Variants in NIPSNAP1 observed in about 807,000 individuals in gnomAD.
NIPSNAP1 encodes the protein nipsnap homolog 1.
Under a neutral mutation model 49.2 loss-of-function variants are expected in NIPSNAP1, and 25 were observed. The ratio of observed to expected loss-of-function variants is 0.51; its 90% CI spans 0.37 to 0.71. The LOEUF (loss-of-function observed/expected upper bound fraction) is 0.71, where lower values mean the gene tolerates loss of function less well. Among genes scored for constraint, NIPSNAP1 ranks in the 30% least tolerant of loss-of-function variants. The probability of loss-of-function intolerance (pLI) is 0.00; values close to 1 mark genes in which losing one functional copy is unlikely to be tolerated. For synonymous variants in NIPSNAP1, 143 were observed against 140.7 expected, an observed-to-expected ratio of 1.02 and a Z score of -0.12; for missense variants, 294 against 361.0, an observed-to-expected ratio of 0.81 and a Z score of 1.50.
chr22:29,559,361 C>A (rs898773948), intron 8 of NIPSNAP1, among the ~76,000 whole-genome samples: 1 of 151,944 alleles, frequency 6.6e-6, no homozygotes, highest in Non-Finnish European at 1.5e-5. Flanking sequence ...GCCAACATAG[C>A]GAAACTCTGT....
Position 29,570,536 on chromosome 22 carries a change from C to A in NIPSNAP1, c.99-4G>T. 2 of 1,612,866 alleles carry A rather than the reference C, an allele frequency of 1.2e-6. No homozygotes were observed. The highest frequency in any genetic ancestry group is 4.5e-5 in the East Asian group (2 of 44,852). ...TTCATTGTCCTTGGAATAGAAACTGCAGGACAGAGGAGTTGAGGGGGACGC... is the reference window on the plus strand; with the variant it reads ...TTCATTGTCCTTGGAATAGAAACTGAAGGACAGAGGAGTTGAGGGGGACGC... On this transcript the variant is annotated splice_polypyrimidine_tract_variant and splice_region_variant and intron_variant, in intron 1 of 9. Coordinates refer to ENST00000216121, the MANE Select transcript of NIPSNAP1 (RefSeq NM_003634.4).
chr22:29,575,683 G>A (rs1354604496), intron 1 of NIPSNAP1, among the ~76,000 whole-genome samples: 1 of 151,746 alleles, frequency 6.6e-6, no homozygotes, highest in East Asian at 1.9e-4. Context: ...TGACGCAAGA[G>A]GGAAGGATTG....
At chr22:29,580,029 TG>T in intron 1 of NIPSNAP1, 1 of 1,235,176 alleles carries the variant, frequency 8.1e-7, no homozygotes, top group Non-Finnish European at 1.1e-6. Flanking sequence ...GCTTCATTCC[TG>T]GGCTGCAGGG....
chr22:29,570,497 C>A lies in NIPSNAP1; in HGVS notation c.134G>T (p.Arg45Leu). 3 of 1,613,976 alleles carry A rather than the reference C, an allele frequency of 1.9e-6. No individual in the cohort carries two copies. The highest frequency in any genetic ancestry group is 2.5e-6 in the Non-Finnish European group (3 of 1,179,948). Reference protein sequence around the residue: ...YSKDNEGSWFRSLFVHKVDPR... With the variant: ...YSKDNEGSWFLSLFVHKVDPR... ...ATCCACTTTGTGAACAAAGAGGGAGCGGAACCAGCTGCCTTCATTGTCCTT... is the reference window on the plus strand; with the variant it reads ...ATCCACTTTGTGAACAAAGAGGGAGAGGAACCAGCTGCCTTCATTGTCCTT... Residue 45 changes from arginine to leucine, a missense_variant, in exon 2 of 10, where the codon CGC (arginine) becomes CTC (leucine). Coordinates refer to ENST00000216121, the MANE Select transcript of NIPSNAP1 (RefSeq NM_003634.4).
intron 9 of NIPSNAP1, among the ~76,000 whole-genome samples, chr22:29,557,753 C>A (rs1406857272): frequency 1.3e-5 from 2 of 152,176 alleles, no homozygotes; most frequent in Non-Finnish European, 2.9e-5. Context: ...AATAGCAAGG[C>A]TCCTGCTAAC....
chr22:29,576,976 CA>C (rs749163785), intron 1 of NIPSNAP1, among the ~76,000 whole-genome samples: 29 of 150,958 alleles, frequency 1.9e-4, no homozygotes, highest in Non-Finnish European at 4.0e-4. Flanking sequence ...ACTCAGGGAT[CA>C]GGGGTCCTTT....
At chr22:29,575,023 A>C (rs932672846) in intron 1 of NIPSNAP1, among the ~76,000 whole-genome samples, 2 of 152,200 alleles carry the variant, frequency 1.3e-5, no homozygotes, top group African/African-American at 4.8e-5. Context: ...ACAGAAAATC[A>C]GAGGGCAGAG....
Position 29,555,988 on chromosome 22 carries a change from G to T in NIPSNAP1, c.802C>A (p.Arg268=). ...ENVYYTVPLV[R]HMESRIMIPL... The stretch of plus-strand genomic sequence containing the variant: ...ATCATGATCCTAGACTCCATGTGTC[G>T]CACCAGGGGGACTGCGGAGAGAGAA... The change falls in exon 10 of 10, where the codon CGA becomes AGA. Residue 268 remains arginine (R), a synonymous_variant. Transcript: ENST00000216121. The T allele has an allele frequency of 6.4e-7, 1 of 1,551,012 alleles. No homozygotes were observed. The highest frequency in any genetic ancestry group is 8.7e-7 in the Non-Finnish European group (1 of 1,146,748).
At chr22:29,565,264 C>T (rs1428365695) in intron 4 of NIPSNAP1, among the ~76,000 whole-genome samples, 2 of 152,068 alleles carry the variant, frequency 1.3e-5, no homozygotes, top group Non-Finnish European at 2.9e-5. Flanking sequence ...TTAATCCCAG[C>T]ACTTTGGGAG....
At chr22:29,570,372 G>C (rs745315863) in intron 2 of NIPSNAP1, 33 bp downstream of exon 2, 13 of 1,613,748 alleles carry the variant, frequency 8.1e-6, no homozygotes, top group Middle Eastern at 1.7e-4. Context: ...GCCCCTGAAA[G>C]GGCAGAAATT....
intron 1 of NIPSNAP1, 111 bp from the exon 2 acceptor site, chr22:29,570,643 A>T: frequency 7.2e-7 from 1 of 1,389,858 alleles, no homozygotes; most frequent in Non-Finnish European, 9.8e-7. Flanking sequence ...TTCTGGGAAC[A>T]GGGCCACGGA....
At chr22:29,564,559 G>A (rs1241529206) in intron 4 of NIPSNAP1, among the ~76,000 whole-genome samples, 16 of 152,186 alleles carry the variant, frequency 1.1e-4, no homozygotes, top group Admixed American at 2.6e-4. Flanking sequence ...GATTACAGGC[G>A]CATGCCACCA....
intron 4 of NIPSNAP1, among the ~76,000 whole-genome samples, chr22:29,563,070 G>C (rs932018092): frequency 1.3e-5 from 2 of 149,756 alleles, no homozygotes; most frequent in African/African-American, 4.9e-5. Context: ...CTGCACTCCA[G>C]CCTGGACAAC....
At chr22:29,556,177 T>C (rs1015065382) in intron 9 of NIPSNAP1, among the ~76,000 whole-genome samples, 178 bp from the exon 10 acceptor site, 2 of 152,076 alleles carry the variant, frequency 1.3e-5, no homozygotes, top group East Asian at 1.9e-4. Context: ...CCTCAAATTA[T>C]GGGATAAGAC....
At chr22:29,556,498 T>C (rs2064295490) in intron 9 of NIPSNAP1, among the ~76,000 whole-genome samples, 1 of 151,700 alleles carries the variant, frequency 6.6e-6, no homozygotes. Flanking sequence ...CACTCCAGCC[T>C]GGGCAACAAG....
intron 1 of NIPSNAP1, among the ~76,000 whole-genome samples, chr22:29,573,395 C>T (rs1325450021): frequency 6.6e-6 from 1 of 151,922 alleles, no homozygotes; most frequent in Non-Finnish European, 1.5e-5. Context: ...TGGTGGCTCA[C>T]GCCTATAATT....
chr22:29,556,062 C>G, intron 9 of NIPSNAP1, 63 bp from the exon 10 acceptor site: 1 of 1,410,344 alleles, frequency 7.1e-7, no homozygotes, highest in South Asian at 1.2e-5. Flanking sequence ...CTCCCCTGGC[C>G]CCACCCACAC....
intron 6 of NIPSNAP1, 93 bp downstream of exon 6, chr22:29,561,413 C>T: frequency 6.4e-7 from 1 of 1,574,306 alleles, no homozygotes; most frequent in Non-Finnish European, 8.7e-7. Context: ...GAGGGAGAAG[C>T]CAGAAGCCCC....
chr22:29,559,775 C>G (rs1294317943), intron 8 of NIPSNAP1, among the ~76,000 whole-genome samples: 2 of 152,128 alleles, frequency 1.3e-5, no homozygotes, highest in African/African-American at 4.8e-5. Context: ...CTCAGCATCC[C>G]ACTGCCCCAT....
Sources: gnomAD v4.1 joint callset for allele counts (sites outside exome capture counted in the v4.1 genomes callset) on GRCh38, gnomAD v4.1.1 for gene constraint, MANE v1.5 for transcripts, NCBI Gene and HGNC (gene_info 2026-07-23, HGNC 2026-07-21) for gene names.